The following AP1G1 variants were observed in gnomAD, a reference collection of about 807,000 sequenced individuals.
AP1G1 encodes adaptor related protein complex 1 subunit gamma 1, also known as AP-1 complex subunit gamma-1.
AP1G1 carries 7 observed loss-of-function variants against 108.3 expected under a neutral mutation model. The observed-to-expected ratio is 0.06, with a 90% CI of 0.04 to 0.12. The LOEUF (loss-of-function observed/expected upper bound fraction) is 0.12. Ranked by LOEUF, AP1G1 falls within the 10% of genes least tolerant of loss-of-function variation. The pLI is 1.00. For synonymous variants in AP1G1, 379 were observed against 353.5 expected (o/e 1.07, Z -0.81); for missense variants, 756 against 1,010.7 (o/e 0.75, Z 3.42).
At chr16:71,744,251 A>G (rs2030040402) in intron 19 of AP1G1, among the ~76,000 whole-genome samples, 1 of 152,218 alleles carries the variant, frequency 6.6e-6, no homozygotes. Context: ...CTCAAAATAA[A>G]AATAAAAGTT....
intron 6 of AP1G1, among the ~76,000 whole-genome samples, chr16:71,767,229 G>A (rs1328916906): frequency 1.3e-5 from 2 of 152,166 alleles, no homozygotes; most frequent in Non-Finnish European, 2.9e-5. Context: ...TAAATGTTCA[G>A]CATACAATTC....
At chr16:71,778,467 G>C (rs2031873902) in intron 2 of AP1G1, among the ~76,000 whole-genome samples, 1 of 152,100 alleles carries the variant, frequency 6.6e-6, no homozygotes, top group African/African-American at 2.4e-5. Context: ...TGGACTGCCT[G>C]AGCTCAGGAG....
chr16:71,788,406 AG>A lies in AP1G1; in HGVS notation c.201+872del, dbSNP rs1386333666. On this transcript the variant is annotated intron_variant, in intron 2 of 22. Transcript: ENST00000299980. ...TTATGACAATATAAACATGCAAAGA[AG>A]AAAGTACTTATCATTGAGACTATCA... is the stretch of plus-strand genomic sequence containing the variant. 4.6e-5 allele frequency among the ~76,000 whole-genome samples: 7 copies of A among 152,330 alleles called. No individual in the cohort carries two copies. The East Asian group carries it at 1.3e-3, about 29-fold the overall frequency.
At position 71,808,404 on chromosome 16, in the gene AP1G1, G is replaced by A. The variant is rs980047481; in HGVS notation, c.-4+359C>T. On this transcript the variant is annotated intron_variant, in intron 1 of 22. Transcript: ENST00000299980. ...GAACGCTGATACGTGGCTCAGAGAA[G>A]ACACGCGGGGGTGGGGCCCGCCCCG... 12 of 1,065,402 alleles carry A rather than the reference G, an allele frequency of 1.1e-5. No homozygotes were observed. The African/African-American group carries it at 1.8e-4, about 16-fold the overall frequency. 66.0% of individuals were successfully genotyped at this position (1,065,402 alleles called of 1,614,324 possible). A position where few individuals can be genotyped will look rare whatever the true frequency, so the allele number is the denominator to read the frequency against.
At chr16:71,796,485 G>A (rs564764539) in intron 1 of AP1G1, among the ~76,000 whole-genome samples, 5 of 152,266 alleles carry the variant, frequency 3.3e-5, no homozygotes, top group African/African-American at 1.2e-4. Flanking sequence ...CCTGTGGAAT[G>A]CAGACACAAG....
Position 71,758,999 on chromosome 16 carries a change from G to C in AP1G1, c.975-78C>G, listed in dbSNP as rs369395680. On this transcript the variant is annotated intron_variant, in intron 10 of 22. Transcript: ENST00000299980. ...TTTTTCTCCGTTTAAATAATAAAAA[G>C]AAAGACGTCTAATGGATAAGAGAAA... The C allele has an allele frequency of 2.0e-4, 156 of 774,622 alleles. No homozygotes were observed. In the African/African-American group the frequency reaches 2.5e-3, roughly 12 times the overall value. 48.0% of individuals were successfully genotyped at this position (774,622 alleles called of 1,614,324 possible).
At chr16:71,776,852 G>A (rs1480971021) in intron 2 of AP1G1, among the ~76,000 whole-genome samples, 3 of 152,000 alleles carry the variant, frequency 2.0e-5, no homozygotes, top group Non-Finnish European at 4.4e-5. Flanking sequence ...GCTCATGCCT[G>A]TAATCCCAGC....
In AP1G1 at chr16:71,753,861, A is replaced by G. The variant is rs985194791; in HGVS notation, c.1256T>C (p.Ile419Thr). Residue 419 changes from isoleucine to threonine, a missense_variant, in exon 13 of 23, where the codon ATA becomes ACA. Ile to Thr is a moderately conservative substitution (Grantham distance 89). Coordinates refer to ENST00000299980, the MANE Select transcript of AP1G1 (RefSeq NM_001128.6). ...EKYAPSKRWH[I>T]DTIMRVLTTA... ...TGTCAAAACACGCATAATTGTGTCT[A>G]TATGCCATCGTTTGGAAGGTGCATA... 6.2e-7 allele frequency: 1 copy of G among 1,614,152 alleles called. No homozygotes were observed. Among genetic ancestry groups the G allele is most frequent in the Non-Finnish European group, 8.5e-7 (1 of 1,179,984 alleles).
intron 21 of AP1G1, among the ~76,000 whole-genome samples, chr16:71,735,542 G>GT (rs1300982963): frequency 1.3e-5 from 2 of 151,264 alleles, no homozygotes; most frequent in African/African-American, 4.9e-5. Flanking sequence ...CATGCCTGTA[G>GT]TCCCAGCTAC....
chr16:71,781,912 A>G (rs2032033561), intron 2 of AP1G1, among the ~76,000 whole-genome samples: 1 of 152,192 alleles, frequency 6.6e-6, no homozygotes, highest in Non-Finnish European at 1.5e-5. Context: ...TCATTTTGCA[A>G]ATATGCACCA....
chr16:71,800,248 G>A (rs866214432), intron 1 of AP1G1, among the ~76,000 whole-genome samples: 53 of 150,270 alleles, frequency 3.5e-4, no homozygotes, highest in African/African-American at 1.2e-3. Flanking sequence ...GTGGGCGCCT[G>A]TAGTCCCAGC....
chr16:71,807,879 A>T (rs2033049242), intron 1 of AP1G1: 2 of 1,285,358 alleles, frequency 1.6e-6, no homozygotes, highest in African/African-American at 3.0e-5. Context: ...AATACCACAC[A>T]AGTGTCAGTA....
Position 71,732,272 on chromosome 16 carries a change from C to T in AP1G1, c.*786G>A, listed in dbSNP as rs1351048957. The T allele has an allele frequency of 6.6e-6, 1 of 152,608 alleles. No individual in the cohort carries two copies. The highest frequency in any genetic ancestry group is 1.5e-5 in the Non-Finnish European group (1 of 68,046). 9.5% of individuals were successfully genotyped at this position (152,608 alleles called of 1,614,324 possible). On this transcript the variant is annotated 3_prime_UTR_variant, in exon 23 of 23. Coordinates refer to ENST00000299980, the MANE Select transcript of AP1G1 (RefSeq NM_001128.6). ...TCATGGAGACTATTCATGACTACAG[C>T]TAAAGAATGGCGAGAAAGGGGAGCT...
chr16:71,773,425 T>G (rs1235072878), intron 3 of AP1G1, 63 bp from the exon 4 acceptor site: 4 of 1,432,020 alleles, frequency 2.8e-6, no homozygotes, highest in Non-Finnish European at 2.8e-6. Context: ...GCTTCACAAT[T>G]TCAAACTAGT....
intron 9 of AP1G1, 63 bp downstream of exon 9, chr16:71,764,287 G>T: frequency 1.0e-6 from 1 of 952,866 alleles, no homozygotes. Context: ...AAGTACTGAA[G>T]TCCAAGTCAA....
At chr16:71,805,969 T>C (rs1361233180) in intron 1 of AP1G1, among the ~76,000 whole-genome samples, 4 of 151,436 alleles carry the variant, frequency 2.6e-5, no homozygotes, top group African/African-American at 7.3e-5. Context: ...TGCAGTGAGC[T>C]GAGACCACTG....
intron 6 of AP1G1, among the ~76,000 whole-genome samples, chr16:71,768,111 A>T (rs937626740): frequency 6.6e-6 from 1 of 150,712 alleles, no homozygotes; most frequent in African/African-American, 2.4e-5. Flanking sequence ...AGTTCAATGC[A>T]TGTAACTACC....
chr16:71,791,830 C>T (rs888252657), intron 1 of AP1G1, among the ~76,000 whole-genome samples: 2 of 144,150 alleles, frequency 1.4e-5, no homozygotes, highest in African/African-American at 5.2e-5. Context: ...GGCGCAATCT[C>T]GGCTCACTGC....
At chr16:71,802,138 G>C (rs923395866) in intron 1 of AP1G1, among the ~76,000 whole-genome samples, 1 of 152,162 alleles carries the variant, frequency 6.6e-6, no homozygotes, top group Non-Finnish European at 1.5e-5. Flanking sequence ...TTATACAGTT[G>C]TACAACTCAA....
Sources: gnomAD v4.1 joint callset for allele counts (sites outside exome capture counted in the v4.1 genomes callset) on GRCh38, gnomAD v4.1.1 for gene constraint, MANE v1.5 for transcripts, NCBI Gene and HGNC (gene_info 2026-07-23, HGNC 2026-07-21) for gene names.